Variants in DHX9 observed in about 807,000 individuals in gnomAD.
DHX9 encodes the protein DExH-box helicase 9, also known as ATP-dependent RNA helicase A.
In DHX9, 27 loss-of-function variants were observed where a neutral mutation model predicts 148.7. The ratio of observed to expected loss-of-function variants is 0.18; its 90% CI spans 0.13 to 0.25. The LOEUF is 0.25. Among genes scored for constraint, DHX9 ranks in the 10% least tolerant of loss-of-function variants. DHX9 has a pLI of 1.00. For synonymous variants in DHX9, 529 were observed against 516.6 expected, an observed-to-expected ratio of 1.02 and a Z score of -0.33; for missense variants, 796 against 1,559.6, an observed-to-expected ratio of 0.51 and a Z score of 8.25.
chr1:182,865,179 T>TA (rs1335722226), intron 12 of DHX9, among the ~76,000 whole-genome samples: 1 of 152,240 alleles, frequency 6.6e-6, no homozygotes, highest in East Asian at 1.9e-4. Flanking sequence ...ACTTGGTGGT[T>TA]ACATTTTGTA....
At chr1:182,857,775 T>G (rs1668282719) in intron 7 of DHX9, among the ~76,000 whole-genome samples, 1 of 152,258 alleles carries the variant, frequency 6.6e-6, no homozygotes, top group South Asian at 2.1e-4. Flanking sequence ...TTTTACTCTT[T>G]GTCTTTTCAA....
At chr1:182,856,630 C>A in intron 7 of DHX9, 52 bp downstream of exon 7, 2 of 1,543,854 alleles carry the variant, frequency 1.3e-6, no homozygotes, top group Non-Finnish European at 1.8e-6. Flanking sequence ...GAGAAGGAAT[C>A]TTCACATTTT....
intron 26 of DHX9, 124 bp from the exon 27 acceptor site, chr1:182,884,489 T>C (rs1193852473): frequency 1.0e-5 from 9 of 863,748 alleles, no homozygotes; most frequent in Non-Finnish European, 1.4e-5. Context: ...GTAGTTTTTT[T>C]TTTTAATATT....
chr1:182,881,673 A>C (rs1302752341), intron 24 of DHX9, 26 bp downstream of exon 24: 4 of 1,567,560 alleles, frequency 2.6e-6, no homozygotes, highest in African/African-American at 1.4e-5. Context: ...TTCTTAAGAT[A>C]TCTTTAAAGT....
chr1:182,860,262 ATTAT>A (rs1668336220), intron 12 of DHX9, 78 bp downstream of exon 12: 3 of 1,196,918 alleles, frequency 2.5e-6, no homozygotes, highest in Non-Finnish European at 2.3e-6. Context: ...AATTTTTGTA[ATTAT>A]TTAAGATTGA....
chr1:182,844,747 C>G (rs1226337582), intron 3 of DHX9, among the ~76,000 whole-genome samples: 1 of 152,126 alleles, frequency 6.6e-6, no homozygotes, highest in Non-Finnish European at 1.5e-5. Flanking sequence ...TTTTGCCAGG[C>G]TGGTCTCGAA....
rs11582238 is a variant in DHX9 at position 182,842,896 on chromosome 1, G to A, written c.111+219G>A. On this transcript the variant is annotated intron_variant, in intron 2 of 27. Transcript: ENST00000367549. Reference sequence around the variant, plus strand: ...CTAATTAGAGCCTATATCTTCCTCAGCTTCCTCAGTACCAGTAGTGGGGAT... The same window carrying A: ...CTAATTAGAGCCTATATCTTCCTCAACTTCCTCAGTACCAGTAGTGGGGAT... Among the ~76,000 whole-genome samples the A allele has an allele frequency of 6.4e-4, 97 of 152,258 alleles. 1 individual carries two copies. In the South Asian group the frequency reaches 9.1e-3, roughly 14 times the overall value.
At chr1:182,870,933 GGTGT>G (rs1358474528) in intron 14 of DHX9, among the ~76,000 whole-genome samples, 1 of 152,066 alleles carries the variant, frequency 6.6e-6, no homozygotes, top group Non-Finnish European at 1.5e-5. Context: ...TTCAAAATTT[GGTGT>G]GTGTTTTACA....
intron 3 of DHX9, among the ~76,000 whole-genome samples, chr1:182,849,907 C>A (rs1668100908): frequency 6.6e-6 from 1 of 151,370 alleles, no homozygotes; most frequent in African/African-American, 2.4e-5. Context: ...TCTCAGTTTG[C>A]CCATTATAAC....
At chr1:182,881,798 A>G (rs1467141876) in intron 24 of DHX9, 151 bp downstream of exon 24, 2 of 804,680 alleles carry the variant, frequency 2.5e-6, no homozygotes, top group Non-Finnish European at 3.7e-6. Flanking sequence ...ACACTGGTCT[A>G]GTTCCCAGAA....
chr1:182,855,197 CATTTGTTGATG>C (rs1668231846), intron 6 of DHX9, among the ~76,000 whole-genome samples: 1 of 152,174 alleles, frequency 6.6e-6, no homozygotes, highest in Non-Finnish European at 1.5e-5. Context: ...AGGAGTGATA[CATTTGTTGATG>C]ATTTGTTTTC....
intron 3 of DHX9, among the ~76,000 whole-genome samples, chr1:182,844,833 T>C (rs995397098): frequency 1.3e-5 from 2 of 151,914 alleles, no homozygotes; most frequent in Non-Finnish European, 1.5e-5. Flanking sequence ...CAGCTAATTT[T>C]TGTGTTTTTA....
At chr1:182,842,250 T>C (rs561887396) in intron 1 of DHX9, among the ~76,000 whole-genome samples, 3 of 152,310 alleles carry the variant, frequency 2.0e-5, no homozygotes, top group South Asian at 2.1e-4. Flanking sequence ...TAAAATACTT[T>C]GTAAGAAAAG....
At chr1:182,842,216 C>T (rs576058844) in intron 1 of DHX9, among the ~76,000 whole-genome samples, 2 of 151,974 alleles carry the variant, frequency 1.3e-5, no homozygotes, top group South Asian at 2.1e-4. Flanking sequence ...ATAAGGTGCC[C>T]GTTGTAGAAT....
intron 14 of DHX9, among the ~76,000 whole-genome samples, chr1:182,869,148 G>C (rs1174670356): frequency 1.3e-5 from 2 of 152,196 alleles, no homozygotes; most frequent in Non-Finnish European, 2.9e-5. Flanking sequence ...TCTGGGCCAG[G>C]CACAGTGGCT....
chr1:182,876,776 T>C (rs1254090664), intron 18 of DHX9, 54 bp from the exon 19 acceptor site: 6 of 1,391,586 alleles, frequency 4.3e-6, no homozygotes, highest in African/African-American at 2.9e-5. Flanking sequence ...AAATCAGTCC[T>C]TTTAAGTAAC....
In DHX9 at chr1:182,861,334, C is replaced by T. The variant is rs568376843; in HGVS notation, c.1332+1150C>T. Among the ~76,000 whole-genome samples, 28 of 152,300 alleles carry T rather than the reference C, an allele frequency of 1.8e-4. No homozygotes were observed. The East Asian group carries it at 5.4e-3, about 29-fold the overall frequency. On this transcript the variant is annotated intron_variant, in intron 12 of 27. Transcript: ENST00000367549. ...CAAAATTTTCTTTGATTTTCCGACT[C>T]ACCCCTAAAACTGGCTATGGATTTT... is the stretch of plus-strand genomic sequence containing the variant.
intron 12 of DHX9, among the ~76,000 whole-genome samples, chr1:182,862,698 C>A (rs547680247): frequency 1.3e-5 from 2 of 152,250 alleles, no homozygotes; most frequent in Non-Finnish European, 1.5e-5. Context: ...TGTGAAAAAG[C>A]AAAGTTGGGA....
At chr1:182,883,421 C>G (rs868297617) in intron 25 of DHX9, 53 bp downstream of exon 25, 2 of 1,581,052 alleles carry the variant, frequency 1.3e-6, no homozygotes, top group African/African-American at 1.4e-5. Flanking sequence ...TCTTTACAAT[C>G]ATTAGGAACA....
Sources: allele counts gnomAD v4.1 joint callset (sites outside exome capture counted in the v4.1 genomes callset), GRCh38; gene constraint gnomAD v4.1.1; transcripts MANE v1.5; gene names NCBI Gene and HGNC (gene_info 2026-07-23, HGNC 2026-07-21).